The following IL1RAPL2 variants were observed in gnomAD, a reference collection of about 807,000 sequenced individuals.
The protein encoded by IL1RAPL2 is X-linked interleukin-1 receptor accessory protein-like 2.
A neutral mutation model predicts 44.1 loss-of-function variants in IL1RAPL2; 3 were observed. The observed-to-expected ratio is 0.07, with a 90% CI of 0.03 to 0.18. The LOEUF (loss-of-function observed/expected upper bound fraction) is 0.18, where lower values mean the gene tolerates loss of function less well. Ranked by LOEUF, IL1RAPL2 falls within the 10% of genes least tolerant of loss-of-function variation. IL1RAPL2 has a pLI of 1.00. For synonymous variants in IL1RAPL2, 181 were observed against 178.8 expected, an observed-to-expected ratio of 1.01 and a Z score of -0.10; for missense variants, 391 against 496.4, an observed-to-expected ratio of 0.79 and a Z score of 2.02.
intron 6 of IL1RAPL2, among the ~76,000 whole-genome samples, chrX:105,610,648 C>A (rs1441107603): frequency 8.9e-6 from 1 of 111,915 alleles, no homozygotes; most frequent in Non-Finnish European, 1.9e-5. Flanking sequence ...ATTGCCTAGT[C>A]ACATCACAGC....
intron 6 of IL1RAPL2, among the ~76,000 whole-genome samples, chrX:105,507,491 A>G (rs1388291115): frequency 1.8e-5 from 2 of 111,577 alleles, no homozygotes; most frequent in African/African-American, 6.5e-5. Context: ...CCCATCATAC[A>G]CGCACAAGCA....
chrX:105,478,669 C>G (rs1455203724), intron 5 of IL1RAPL2, among the ~76,000 whole-genome samples: 1 of 111,457 alleles, frequency 9.0e-6, no homozygotes, highest in Non-Finnish European at 1.9e-5. Context: ...GTTATTAAAC[C>G]TAGTTCCCCA....
rs748608102 is a variant in IL1RAPL2, at chrX:105,272,309, C to CT, written c.697+4768_697+4769insT. Among the ~76,000 whole-genome samples the CT allele has an allele frequency of 9.0e-5, 10 of 111,615 alleles. No homozygotes were observed. In the East Asian group the frequency reaches 1.7e-3, roughly 19 times the overall value. On this transcript the variant is annotated intron_variant, in intron 5 of 10. Coordinates refer to ENST00000372582, the MANE Select transcript of IL1RAPL2 (RefSeq NM_017416.2). ...AAAAAAAAAGAAGGTCAAAGGCAGA[C>CT]ATTACTTATAGGGATTCTTCAAAAT...
At chrX:105,166,084 T>C (rs1234941349) in intron 2 of IL1RAPL2, among the ~76,000 whole-genome samples, 1 of 111,664 alleles carries the variant, frequency 9.0e-6, no homozygotes, top group Admixed American at 9.5e-5. Flanking sequence ...TATGGAGAAA[T>C]CATATTGATA....
intron 6 of IL1RAPL2, among the ~76,000 whole-genome samples, chrX:105,486,734 A>ATC (rs1556335856): frequency 1.9e-5 from 2 of 103,867 alleles, no homozygotes; most frequent in Non-Finnish European, 3.9e-5. Context: ...CTATATATCT[A>ATC]TATCTATCTA....
intron 5 of IL1RAPL2, among the ~76,000 whole-genome samples, chrX:105,326,732 A>G (rs1460259298): frequency 2.7e-5 from 3 of 111,589 alleles, no homozygotes; most frequent in Non-Finnish European, 3.8e-5. Context: ...CCATTGATCT[A>G]TACGTCTATC....
At chrX:105,010,723 A>T (rs1433591948) in intron 2 of IL1RAPL2, among the ~76,000 whole-genome samples, 2 of 111,429 alleles carry the variant, frequency 1.8e-5, no homozygotes, top group Non-Finnish European at 3.8e-5. Flanking sequence ...GGGCCTGAGG[A>T]AAGGTGAGCT....
chrX:105,368,625 TA>T (rs2035313828), intron 5 of IL1RAPL2, among the ~76,000 whole-genome samples: 2 of 111,905 alleles, frequency 1.8e-5, no homozygotes, highest in Non-Finnish European at 1.9e-5. Flanking sequence ...CCTTTGTCTT[TA>T]ACCTTTGACA....
At chrX:105,489,632 G>T (rs1396066721) in intron 6 of IL1RAPL2, among the ~76,000 whole-genome samples, 1 of 110,681 alleles carries the variant, frequency 9.0e-6, no homozygotes, top group African/African-American at 3.3e-5. Context: ...TCTGACTGAT[G>T]ATGATAATTT....
chrX:105,680,470 A>AAAAGT (rs749911509), intron 6 of IL1RAPL2, among the ~76,000 whole-genome samples: 38 of 112,188 alleles, frequency 3.4e-4, no homozygotes, highest in Non-Finnish European at 1.9e-4. Flanking sequence ...TTGGTGCCTT[A>AAAAGT]AAAGTATCTG....
chrX:105,028,896 C>A (rs186642107), intron 2 of IL1RAPL2, among the ~76,000 whole-genome samples: 1 of 110,276 alleles, frequency 9.1e-6, no homozygotes, highest in East Asian at 2.9e-4. Flanking sequence ...TGAGGGGTTA[C>A]GAGCATAAAT....
chrX:104,989,642 T>C (rs968048802), intron 2 of IL1RAPL2, among the ~76,000 whole-genome samples: 1 of 111,565 alleles, frequency 9.0e-6, no homozygotes, highest in African/African-American at 3.3e-5. Flanking sequence ...ACTATATTCC[T>C]TCATCAAAAA....
intron 6 of IL1RAPL2, among the ~76,000 whole-genome samples, chrX:105,498,231 T>G (rs2036369202): frequency 8.9e-6 from 1 of 112,068 alleles, no homozygotes; most frequent in African/African-American, 3.2e-5. Context: ...AAAGATCATA[T>G]GCATCTTTAT....
At chrX:105,582,973 C>T (rs1371116783) in intron 6 of IL1RAPL2, among the ~76,000 whole-genome samples, 1 of 110,145 alleles carries the variant, frequency 9.1e-6, no homozygotes, top group Admixed American at 9.7e-5. Flanking sequence ...TTCAGTGATA[C>T]GGACTTCATA....
intron 6 of IL1RAPL2, among the ~76,000 whole-genome samples, chrX:105,665,916 C>G (rs967919856): frequency 9.3e-6 from 1 of 107,001 alleles, no homozygotes; most frequent in Non-Finnish European, 1.9e-5. Flanking sequence ...GCGCCCGCCA[C>G]CACGCCCGGC....
chrX:105,628,804 G>A (rs1021314106), intron 6 of IL1RAPL2, among the ~76,000 whole-genome samples: 4 of 111,225 alleles, frequency 3.6e-5, no homozygotes, highest in Non-Finnish European at 7.5e-5. Flanking sequence ...TTAGTTGGGC[G>A]TGGTGGCACA....
intron 2 of IL1RAPL2, among the ~76,000 whole-genome samples, chrX:105,188,539 A>G (rs1247247659): frequency 9.0e-6 from 1 of 111,396 alleles, no homozygotes; most frequent in Non-Finnish European, 1.9e-5. Flanking sequence ...TTGACAAAGC[A>G]TTGCACAGAT....
At chrX:104,941,583 T>C (rs189539954) in intron 2 of IL1RAPL2, among the ~76,000 whole-genome samples, 2 of 111,942 alleles carry the variant, frequency 1.8e-5, no homozygotes, top group Non-Finnish European at 3.8e-5. Context: ...AAGTTCTTTG[T>C]AGATTCTGGA....
chrX:104,656,778 T>A (rs1930274036), intron 1 of IL1RAPL2, among the ~76,000 whole-genome samples: 1 of 111,611 alleles, frequency 9.0e-6, no homozygotes. Flanking sequence ...AGTGGGGTGT[T>A]AAAGTCTCCC....
Sources: allele counts gnomAD v4.1 joint callset (sites outside exome capture counted in the v4.1 genomes callset), GRCh38; gene constraint gnomAD v4.1.1; transcripts MANE v1.5; gene names NCBI Gene and HGNC (gene_info 2026-07-23, HGNC 2026-07-21).